Variants in ARHGAP20 observed in about 807,000 individuals in gnomAD.
The protein encoded by ARHGAP20 is Rho GTPase activating protein 20.
Under a neutral mutation model 73.7 loss-of-function variants are expected in ARHGAP20, and 34 were observed. That is an observed-to-expected ratio of 0.46 (90% CI 0.35 to 0.61). ARHGAP20 has a LOEUF of 0.61. ARHGAP20 is among the 20% of genes least tolerant of loss of function. ARHGAP20 has a pLI of 0.00. For missense variants in ARHGAP20, 1,314 were observed against 1,420.9 expected, an observed-to-expected ratio of 0.92 and a Z score of 1.21; for synonymous variants, 523 against 518.2, an observed-to-expected ratio of 1.01 and a Z score of -0.13.
intron 4 of ARHGAP20, among the ~76,000 whole-genome samples, chr11:110,617,509 C>T (rs1473420009): frequency 2.0e-5 from 3 of 152,070 alleles, no homozygotes; most frequent in South Asian, 2.1e-4. Flanking sequence ...GTGATCCACC[C>T]GCCTCCGCCT....
chr11:110,673,090 T>A (rs1015088814), intron 2 of ARHGAP20, among the ~76,000 whole-genome samples: 2 of 152,194 alleles, frequency 1.3e-5, no homozygotes, highest in African/African-American at 4.8e-5. Flanking sequence ...AAAATCCTGC[T>A]GAGCCAAAAG....
rs775578516 is a variant in ARHGAP20, at chr11:110,579,499, G to T, written c.3447C>A (p.Ser1149Arg). The T allele has an allele frequency of 2.5e-5, 41 of 1,614,040 alleles. No homozygotes were observed. In the Admixed American group the frequency reaches 2.8e-4, roughly 11 times the overall value. ...SHEEIEPGSQ[S>R]SSGSLPWERA... ...TTTCCCAAGGCAGAGAACCAGAAGAGCTCTGACTACCAGGCTCTATTTCCT... is the reference window on the plus strand; with the variant it reads ...TTTCCCAAGGCAGAGAACCAGAAGATCTCTGACTACCAGGCTCTATTTCCT... Residue 1149 changes from serine (S) to arginine (R), a missense_variant, in exon 15 of 15, where the codon AGC becomes AGA. Transcript: ENST00000683387.
chr11:110,690,615 T>C lies in ARHGAP20; in HGVS notation c.120A>G (p.Leu40=). Residue 40 remains leucine, a synonymous_variant, in exon 2 of 15, where the codon CTA becomes CTG. Transcript: ENST00000683387. ...GSCTKKKMKT[L]AERRRSAPSL... is the part of the protein sequence containing the mutation. ...ATGGAGCGCTCCTCCTCCTTTCTGCTAGTGTTTTCATTTTCTGTTGATGAA... is the reference window on the plus strand; with the variant it reads ...ATGGAGCGCTCCTCCTCCTTTCTGCCAGTGTTTTCATTTTCTGTTGATGAA... 1.2e-6 allele frequency: 2 copies of C among 1,614,106 alleles called. No individual in the cohort carries two copies. The highest frequency in any genetic ancestry group is 1.7e-6 in the Non-Finnish European group (2 of 1,179,978).
chr11:110,630,351 A>G (rs186560631), intron 3 of ARHGAP20, among the ~76,000 whole-genome samples: 1 of 152,310 alleles, frequency 6.6e-6, no homozygotes, highest in East Asian at 1.9e-4. Context: ...CCACATTAGA[A>G]TATAAGCTCC....
At chr11:110,662,575 T>A (rs1410573533) in intron 2 of ARHGAP20, among the ~76,000 whole-genome samples, 1 of 151,900 alleles carries the variant, frequency 6.6e-6, no homozygotes, top group East Asian at 1.9e-4. Context: ...GTATACATTA[T>A]AAGATAATGT....
At chr11:110,595,584 A>G (rs1281976821) in intron 9 of ARHGAP20, among the ~76,000 whole-genome samples, 4 of 152,208 alleles carry the variant, frequency 2.6e-5, no homozygotes, top group Admixed American at 2.0e-4. Flanking sequence ...TCCAACTTAC[A>G]AGGGATGTGA....
intron 2 of ARHGAP20, among the ~76,000 whole-genome samples, chr11:110,644,808 A>AG: frequency 6.6e-6 from 1 of 152,282 alleles, no homozygotes; most frequent in Non-Finnish European, 1.5e-5. Context: ...AATTAACTAA[A>AG]GAGCTTCTGC....
chr11:110,659,052 T>TA (rs1399003943), intron 2 of ARHGAP20, among the ~76,000 whole-genome samples: 1 of 151,406 alleles, frequency 6.6e-6, no homozygotes, highest in African/African-American at 2.4e-5. Flanking sequence ...CAGCATGATT[T>TA]ATAGTCCTTT....
intron 2 of ARHGAP20, among the ~76,000 whole-genome samples, chr11:110,688,060 G>T (rs1950170424): frequency 6.6e-6 from 1 of 152,092 alleles, no homozygotes; most frequent in African/African-American, 2.4e-5. Context: ...TAGGTTACAG[G>T]CATAGATAAT....
intron 1 of ARHGAP20, among the ~76,000 whole-genome samples, chr11:110,710,503 C>T (rs1274165102): frequency 1.3e-5 from 2 of 151,998 alleles, no homozygotes; most frequent in Non-Finnish European, 2.9e-5. Context: ...CAATTCCTTA[C>T]GTTTACAAAA....
At chr11:110,634,546 T>C (rs1948923270) in intron 2 of ARHGAP20, among the ~76,000 whole-genome samples, 1 of 152,130 alleles carries the variant, frequency 6.6e-6, no homozygotes, top group Non-Finnish European at 1.5e-5. Context: ...CCTCCAGCCA[T>C]GGTGATTGAG....
At chr11:110,592,437 A>C (rs191235349) in intron 9 of ARHGAP20, among the ~76,000 whole-genome samples, 78 of 152,336 alleles carry the variant, frequency 5.1e-4, no homozygotes, top group African/African-American at 1.8e-3. Context: ...CTACATTTTC[A>C]AAGGTGAAAG....
intron 1 of ARHGAP20, among the ~76,000 whole-genome samples, chr11:110,694,954 A>G (rs1950308688): frequency 6.6e-6 from 1 of 151,714 alleles, no homozygotes; most frequent in Admixed American, 6.6e-5. Flanking sequence ...GAATGGTATC[A>G]TTAAGAAAAA....
intron 2 of ARHGAP20, among the ~76,000 whole-genome samples, chr11:110,676,604 T>C (rs1949934972): frequency 6.6e-6 from 1 of 152,114 alleles, no homozygotes; most frequent in Non-Finnish European, 1.5e-5. Flanking sequence ...AACTACAATT[T>C]AAGATGAGAT....
At chr11:110,590,326 T>A (rs1289345926) in intron 11 of ARHGAP20, among the ~76,000 whole-genome samples, 2 of 152,180 alleles carry the variant, frequency 1.3e-5, no homozygotes, top group Admixed American at 1.3e-4. Flanking sequence ...AAGCAGGATG[T>A]CTGTTTTGGT....
intron 2 of ARHGAP20, among the ~76,000 whole-genome samples, chr11:110,658,948 C>G (rs1423476512): frequency 1.3e-5 from 2 of 152,170 alleles, no homozygotes; most frequent in Non-Finnish European, 2.9e-5. Context: ...TTAATCACTT[C>G]TAAGTAATTT....
chr11:110,580,626 T>C lies in ARHGAP20; in HGVS notation c.2320A>G (p.Thr774Ala). The change falls in exon 15 of 15, where the codon ACT becomes GCT. Residue 774 changes from threonine to alanine, a missense_variant. Thr to Ala is a moderately conservative substitution (Grantham distance 58). Around this residue, in one of 3 missense-constraint regions of ARHGAP20, gnomAD observed 641 missense variants for 636.9 expected, o/e 1.01. Coordinates refer to ENST00000683387, the MANE Select transcript of ARHGAP20 (RefSeq NM_001384657.1). The part of the protein sequence containing the change: ...GTDVSKKNAT[T>A]QNTKKKSLSG... ...AAGCTTTTCTTCTTAGTGTTTTGAG[T>C]AGTGGCATTTTTCTTGCTGACATCA... The C allele has an allele frequency of 6.2e-7, 1 of 1,614,204 alleles. No individual in the cohort carries two copies. The highest frequency in any genetic ancestry group is 8.5e-7 in the Non-Finnish European group (1 of 1,180,026).
chr11:110,663,722 G>T (rs187078996), intron 2 of ARHGAP20, among the ~76,000 whole-genome samples: 229 of 152,092 alleles, frequency 1.5e-3, no homozygotes, highest in African/African-American at 5.1e-3. Context: ...AAAATTTAAG[G>T]GGAGAGAATA....
chr11:110,605,366 G>T (rs182495818), intron 9 of ARHGAP20, among the ~76,000 whole-genome samples: 42 of 152,308 alleles, frequency 2.8e-4, no homozygotes, highest in Admixed American at 2.0e-3. Flanking sequence ...GGGCGAACAG[G>T]AAAATAAGTT....
Sources: gnomAD v4.1 joint callset for allele counts (sites outside exome capture counted in the v4.1 genomes callset) on GRCh38, gnomAD v4.1.1 for gene constraint, gnomAD v4.1.1 regional missense constraint, MANE v1.5 for transcripts, NCBI Gene and HGNC (gene_info 2026-07-23, HGNC 2026-07-21) for gene names.